The following MAP3K5 variants were observed in gnomAD, a reference collection of about 807,000 sequenced individuals.
The protein encoded by MAP3K5 is mitogen-activated protein kinase kinase kinase 5.
Under a neutral mutation model 158.7 loss-of-function variants are expected in MAP3K5, and 56 were observed. The observed-to-expected ratio is 0.35, with a 90% CI of 0.28 to 0.44. The LOEUF is 0.44. Ranked by LOEUF, MAP3K5 falls within the 20% of genes least tolerant of loss-of-function variation. MAP3K5 has a pLI of 1.00. For missense variants in MAP3K5, 1,294 were observed against 1,674.8 expected (o/e 0.77, Z 3.97); for synonymous variants, 579 against 601.7 (o/e 0.96, Z 0.55).
rs144764397 is a variant in MAP3K5, at chr6:136,695,674, T to C, written c.1082+277A>G. Among the ~76,000 whole-genome samples, 16 of 152,332 alleles carry C rather than the reference T, an allele frequency of 1.1e-4. No homozygotes were observed. In the East Asian group the frequency reaches 3.1e-3, roughly 29 times the overall value. ...CATATTCATGTAACTTTTACAATTC[T>C]AAAAAATATGAATAGCAAATACAAA... On this transcript the variant is annotated intron_variant, in intron 6 of 29. Transcript: ENST00000359015.
chr6:136,757,990 G>A (rs1000552558), intron 1 of MAP3K5, among the ~76,000 whole-genome samples: 8 of 152,176 alleles, frequency 5.3e-5, no homozygotes, highest in African/African-American at 1.9e-4. Flanking sequence ...TAATAGGAGA[G>A]TTATATAAAA....
At chr6:136,778,949 T>C (rs541790701) in intron 1 of MAP3K5, among the ~76,000 whole-genome samples, 3 of 152,274 alleles carry the variant, frequency 2.0e-5, no homozygotes, top group Admixed American at 6.5e-5. Context: ...GAGGATCACT[T>C]GACCTCAGGA....
intron 14 of MAP3K5, among the ~76,000 whole-genome samples, chr6:136,626,267 T>G (rs1378227597): frequency 6.6e-6 from 1 of 152,094 alleles, no homozygotes; most frequent in Non-Finnish European, 1.5e-5. Context: ...AGGGCTGGAG[T>G]GAGCACTGGC....
At chr6:136,789,486 G>A (rs568792224) in intron 1 of MAP3K5, among the ~76,000 whole-genome samples, 11 of 152,112 alleles carry the variant, frequency 7.2e-5, no homozygotes, top group Admixed American at 6.5e-4. Flanking sequence ...GAAGCAGTAC[G>A]AAGGGACAGA....
chr6:136,613,373 A>T lies in MAP3K5; in HGVS notation c.2279-117T>A. 1.2e-6 allele frequency: 1 copy of T among 818,216 alleles called. No homozygotes were observed. The highest frequency in any genetic ancestry group is 2.2e-5 in the South Asian group (1 of 45,878). The allele number at this position is 818,216 out of a possible 1,614,324, so 50.7% of individuals were successfully genotyped here. A position where few individuals can be genotyped will look rare whatever the true frequency, so the allele number is the denominator to read the frequency against. On this transcript the variant is annotated intron_variant, in intron 16 of 29. Coordinates refer to ENST00000359015, the MANE Select transcript of MAP3K5 (RefSeq NM_005923.4). This position sits in a 1 kb window ranked among gnomAD's most constrained non-coding sequence, Gnocchi z 4.0. ...CATTGGTTCTTCACAGTGGCCCAGG[A>T]GCTATACTGGATATCGGGCTCAAAC...
chr6:136,755,665 G>C (rs1405407062), intron 1 of MAP3K5, among the ~76,000 whole-genome samples: 1 of 150,354 alleles, frequency 6.7e-6, no homozygotes, highest in African/African-American at 2.5e-5. Flanking sequence ...CTCCAGCCTG[G>C]GTGACAGAGC....
intron 1 of MAP3K5, among the ~76,000 whole-genome samples, chr6:136,742,558 A>C (rs972944383): frequency 6.6e-6 from 1 of 152,166 alleles, no homozygotes; most frequent in African/African-American, 2.4e-5. Context: ...CCTGGAAAAT[A>C]ACATAGAAGA....
intron 1 of MAP3K5, among the ~76,000 whole-genome samples, chr6:136,777,202 C>G (rs746990510): frequency 6.6e-6 from 1 of 152,208 alleles, no homozygotes; most frequent in African/African-American, 2.4e-5. Context: ...GTGCCCCAAC[C>G]CTGCTTTGCA....
intron 7 of MAP3K5, among the ~76,000 whole-genome samples, chr6:136,678,659 A>G (rs1394393342): frequency 6.6e-6 from 1 of 152,146 alleles, no homozygotes; most frequent in Non-Finnish European, 1.5e-5. Flanking sequence ...AACCATACGA[A>G]GTTATTTCCA....
chr6:136,647,572 A>G (rs891308386), intron 11 of MAP3K5, among the ~76,000 whole-genome samples: 1 of 152,076 alleles, frequency 6.6e-6, no homozygotes, highest in African/African-American at 2.4e-5. Context: ...CCTAGCTTAC[A>G]TAGCACTCTA....
rs145879114 is a variant in MAP3K5 at position 136,572,957 on chromosome 6, A to G, written c.3518-5083T>C. On this transcript the variant is annotated intron_variant, in intron 25 of 29. Coordinates refer to ENST00000359015, the MANE Select transcript of MAP3K5 (RefSeq NM_005923.4). ...AGCACAAATTAATACAGCTACAAAT[A>G]TCTCAGATTATCTCAGGTATAGACC... 8.5e-4 allele frequency among the ~76,000 whole-genome samples: 130 copies of G among 152,356 alleles called. 2 individuals are homozygous for G. Among genetic ancestry groups the G allele is most frequent in the African/African-American group, 3.1e-3 (128 of 41,578 alleles).
At position 136,592,488 on chromosome 6, in the gene MAP3K5, G is replaced by A; in HGVS notation, c.3005C>T (p.Ala1002Val). The stretch of plus-strand genomic sequence containing the variant: ...GACATCTCTTTCTCCGCAGGACTTG[G>A]CTCTTGTTTTGAAAGAGAAGGGGTC... ...KVDPFSFKTR[A>V]KSCGERDVKG... is the part of the protein sequence containing the mutation. Residue 1002 changes from alanine (A) to valine (V), a missense_variant, in exon 22 of 30, where the codon GCC (alanine) becomes GTC (valine). Around this residue, in one of 5 missense-constraint regions of MAP3K5, gnomAD observed 362 missense variants for 463.2 expected, o/e 0.78. Coordinates refer to ENST00000359015, the MANE Select transcript of MAP3K5 (RefSeq NM_005923.4). 1.2e-6 allele frequency: 2 copies of A among 1,614,016 alleles called. No homozygotes were observed. The highest frequency in any genetic ancestry group is 1.7e-6 in the Non-Finnish European group (2 of 1,180,008).
chr6:136,660,425 A>G lies in MAP3K5; in HGVS notation c.1367-1047T>C, dbSNP rs531665653. ...AAAATCTAAAAAAAAGAAAAAACAG[A>G]AAAAAAAAGGAACTAGACTGACAGA... On this transcript the variant is annotated intron_variant, in intron 8 of 29. Coordinates refer to ENST00000359015, the MANE Select transcript of MAP3K5 (RefSeq NM_005923.4). Among the ~76,000 whole-genome samples the G allele has an allele frequency of 9.0e-4, 137 of 151,398 alleles. 1 individual carries two copies. Among genetic ancestry groups the G allele is most frequent in the Non-Finnish European group, 1.5e-3 (100 of 67,786 alleles).
At chr6:136,640,388 CA>C (rs1385560543) in intron 12 of MAP3K5, among the ~76,000 whole-genome samples, 1 of 152,132 alleles carries the variant, frequency 6.6e-6, no homozygotes, top group Non-Finnish European at 1.5e-5. Flanking sequence ...AGATGTAGTC[CA>C]GGGGGCACAG....
At chr6:136,642,036 AAAATAAAATAAAATAAAAT>A (rs1562571540) in intron 12 of MAP3K5, among the ~76,000 whole-genome samples, 1,410 of 115,814 alleles carry the variant, frequency 0.012, 39 homozygotes, top group African/African-American at 0.042. Flanking sequence ...AAATAAAAAT[AAAATAAAATAAAATAAAAT>A]AAAATAAAAT....
At chr6:136,569,834 A>C (rs533672219) in intron 25 of MAP3K5, among the ~76,000 whole-genome samples, 1 of 152,334 alleles carries the variant, frequency 6.6e-6, no homozygotes, top group Admixed American at 6.5e-5. Flanking sequence ...AATATTACAA[A>C]TTGTAATTAA....
intron 1 of MAP3K5, 66 bp from the exon 2 acceptor site, chr6:136,720,655 G>A (rs1781710872): frequency 2.4e-6 from 3 of 1,251,172 alleles, no homozygotes; most frequent in Middle Eastern, 4.0e-4. Flanking sequence ...GCACATTTTG[G>A]TTTGAATTAT....
At chr6:136,632,855 T>C (rs1472518303) in intron 14 of MAP3K5, among the ~76,000 whole-genome samples, 1 of 152,182 alleles carries the variant, frequency 6.6e-6, no homozygotes, top group Non-Finnish European at 1.5e-5. Flanking sequence ...ATGATTTCAA[T>C]ATAAAAGTAT....
chr6:136,559,593 G>A (rs1046716379), intron 28 of MAP3K5, among the ~76,000 whole-genome samples: 2 of 152,178 alleles, frequency 1.3e-5, no homozygotes, highest in Admixed American at 1.3e-4. Context: ...TACTGCCTAT[G>A]CTTAATTTCT....
Sources: allele counts gnomAD v4.1 joint callset (sites outside exome capture counted in the v4.1 genomes callset), GRCh38; gene constraint gnomAD v4.1.1; regional missense constraint gnomAD v4.1.1; non-coding constraint Gnocchi (gnomAD v3.1); transcripts MANE v1.5; gene names NCBI Gene and HGNC (gene_info 2026-07-23, HGNC 2026-07-21).